Variants in PATL1 observed in about 807,000 individuals in gnomAD.
The protein encoded by PATL1 is protein PAT1 homolog 1.
A neutral mutation model predicts 100.6 loss-of-function variants in PATL1; 32 were observed. That is an observed-to-expected ratio of 0.32 (90% CI 0.24 to 0.43). PATL1 has a LOEUF of 0.43. Among genes scored for constraint, PATL1 ranks in the 20% least tolerant of loss-of-function variants. The probability of loss-of-function intolerance (pLI) is 1.00; values close to 1 mark genes in which losing one functional copy is unlikely to be tolerated. For missense variants in PATL1, 747 were observed against 949.9 expected, an observed-to-expected ratio of 0.79 and a Z score of 2.81; for synonymous variants, 332 against 330.0, an observed-to-expected ratio of 1.01 and a Z score of -0.07.
rs575902146 is a variant in PATL1 at position 59,640,005 on chromosome 11, C to T, written c.2050-622G>A. The T allele has an allele frequency of 2.0e-5, 3 of 152,202 alleles. No homozygotes were observed. The East Asian group carries it at 5.8e-4, about 29-fold the overall frequency. 9.4% of individuals were successfully genotyped at this position (152,202 alleles called of 1,614,324 possible). ...AGAAAGGGTAAACAGATGTATACAC[C>T]GTATCTATAATTAAAATTCAGCAAC... On this transcript the variant is annotated intron_variant, in intron 16 of 18. Coordinates refer to ENST00000300146, the MANE Select transcript of PATL1 (RefSeq NM_152716.3).
At chr11:59,640,809 T>C (rs1464609422) in intron 16 of PATL1, among the ~76,000 whole-genome samples, 7 of 151,880 alleles carry the variant, frequency 4.6e-5, no homozygotes, top group African/African-American at 1.7e-4. Flanking sequence ...GAGGCAGTAC[T>C]GCTTGAGTCC....
chr11:59,668,298 C>T (rs993326247), intron 1 of PATL1, among the ~76,000 whole-genome samples: 2 of 152,184 alleles, frequency 1.3e-5, no homozygotes, highest in African/African-American at 2.4e-5. Context: ...TCTCCAAACC[C>T]GCGTCTCCCA....
chr11:59,652,026 A>G (rs1008422402), intron 11 of PATL1, among the ~76,000 whole-genome samples: 4 of 139,224 alleles, frequency 2.9e-5, no homozygotes, highest in African/African-American at 1.1e-4. Context: ...GATGGCACCA[A>G]TGCACTCCAG....
At chr11:59,666,730 A>T in intron 2 of PATL1, 123 bp downstream of exon 2, 2 of 1,031,826 alleles carry the variant, frequency 1.9e-6, no homozygotes, top group Non-Finnish European at 2.7e-6. Flanking sequence ...GATGAGGAAT[A>T]GAAGAATATC....
intron 16 of PATL1, 156 bp downstream of exon 16, chr11:59,642,724 A>G: frequency 1.3e-6 from 1 of 761,516 alleles, no homozygotes; most frequent in Non-Finnish European, 2.0e-6. Flanking sequence ...TGTTGAAAAC[A>G]CTGTTATTTC....
intron 2 of PATL1, among the ~76,000 whole-genome samples, chr11:59,663,135 T>A (rs1861648885): frequency 6.6e-6 from 1 of 152,102 alleles, no homozygotes; most frequent in African/African-American, 2.4e-5. Flanking sequence ...TTGACCTGAG[T>A]CCATTATTGG....
At chr11:59,657,196 A>T (rs1861548078) in intron 5 of PATL1, 1 of 923,290 alleles carries the variant, frequency 1.1e-6, no homozygotes, top group Admixed American at 6.2e-5. Context: ...AGGGATGTGG[A>T]CAATGCTGTG....
intron 14 of PATL1, 78 bp downstream of exon 14, chr11:59,649,384 A>C: frequency 6.6e-7 from 1 of 1,512,292 alleles, no homozygotes; most frequent in Non-Finnish European, 8.9e-7. Context: ...TGTACCTAAA[A>C]GGCAAAAATG....
Position 59,639,331 on chromosome 11 carries a change from C to G in PATL1, c.2102G>C (p.Ser701Thr). The G allele has an allele frequency of 6.4e-7, 1 of 1,551,092 alleles. No homozygotes were observed. The highest frequency in any genetic ancestry group is 2.4e-5 in the East Asian group (1 of 40,938). ...ILLSRGEDLQSSDPATESTQN... is the reference protein window; with the variant it reads ...ILLSRGEDLQTSDPATESTQN... ...TGTTGATTCTGTAGCAGGGTCTGAA[C>G]TCTGTAGGTCTTCACCACGGCTCAG... The change falls in exon 17 of 19, where the codon AGT becomes ACT. Residue 701 changes from serine to threonine, a missense_variant. This residue lies in a region of PATL1 where 434 missense variants were observed against 596.1 expected (regional missense o/e 0.73). Coordinates refer to ENST00000300146, the MANE Select transcript of PATL1 (RefSeq NM_152716.3).
chr11:59,645,037 T>C (rs532857799), intron 15 of PATL1, among the ~76,000 whole-genome samples: 1 of 149,434 alleles, frequency 6.7e-6, no homozygotes, highest in African/African-American at 2.5e-5. Context: ...TTTTTTTTTT[T>C]TTTAATCCAT....
Position 59,656,058 on chromosome 11 carries a change from A to C in PATL1, c.724-13T>G. On this transcript the variant is annotated splice_polypyrimidine_tract_variant and intron_variant, in intron 6 of 18. Coordinates refer to ENST00000300146, the MANE Select transcript of PATL1 (RefSeq NM_152716.3). ...GGAGGGAAGAGTTCTAAGGTAAAAA[A>C]AAAAAAAAAAAAAAGAATATGCTAT... 7.7e-7 allele frequency: 1 copy of C among 1,295,638 alleles called. No individual in the cohort carries two copies. 80.3% of individuals were successfully genotyped at this position (1,295,638 alleles called of 1,614,324 possible).
chr11:59,659,279 C>T lies in PATL1; in HGVS notation c.318G>A (p.Arg106=), dbSNP rs575716271. The change falls in exon 3 of 19, where the codon AGG becomes AGA. Residue 106 remains arginine, a synonymous_variant. Coordinates refer to ENST00000300146, the MANE Select transcript of PATL1 (RefSeq NM_152716.3). ...ENELEDPAIM[R]AVQTRPVLQP... is the part of the protein sequence containing the mutation. ...GTAAAACTGGCCTGGTCTGCACTGC[C>T]CTCATAATAGCTGGATCTTCTAGTT... 1.9e-6 allele frequency: 3 copies of T among 1,551,378 alleles called. No individual in the cohort carries two copies. Among genetic ancestry groups the T allele is most frequent in the African/African-American group, 2.7e-5 (2 of 73,126 alleles).
intron 14 of PATL1, among the ~76,000 whole-genome samples, chr11:59,649,148 A>G (rs1314953697): frequency 6.6e-6 from 1 of 152,236 alleles, no homozygotes; most frequent in Non-Finnish European, 1.5e-5. Context: ...AGTAATCATA[A>G]ATCAGGTGCA....
chr11:59,659,555 A>AG, intron 2 of PATL1, 86 bp from the exon 3 acceptor site: 3 of 1,243,096 alleles, frequency 2.4e-6, no homozygotes, highest in Non-Finnish European at 3.3e-6. Context: ...TTTTTTAGAC[A>AG]GAGTCTCACT....
chr11:59,646,450 T>C (rs1358841677), intron 15 of PATL1, among the ~76,000 whole-genome samples: 1 of 152,188 alleles, frequency 6.6e-6, no homozygotes, highest in Non-Finnish European at 1.5e-5. Flanking sequence ...CCTCCCAAAG[T>C]GTTGGGATTA....
Position 59,638,416 on chromosome 11 carries a change from G to C in PATL1, c.2292-5C>G, listed in dbSNP as rs1182661425. ...TATCGTATCCCCTGAACTAGCCTAG[G>C]AGTACAAAGGAGAGAAAGGAAAATT... On this transcript the variant is annotated splice_polypyrimidine_tract_variant and splice_region_variant and intron_variant, in intron 18 of 18. Transcript: ENST00000300146. 2 of 1,610,616 alleles carry C rather than the reference G, an allele frequency of 1.2e-6. No homozygotes were observed. Among genetic ancestry groups the C allele is most frequent in the South Asian group, 1.1e-5 (1 of 90,596 alleles).
chr11:59,666,863 T>C lies in PATL1; in HGVS notation c.117A>G (p.Ser39=), dbSNP rs892066206. ...IDQFNDDTFG[S]GAVDDDWQEA... Reference sequence around the variant, plus strand: ...AAAGATGTCACTTACCAACTGCACCTGACCCAAATGTATCATCATTGAATT... The same window carrying C: ...AAAGATGTCACTTACCAACTGCACCCGACCCAAATGTATCATCATTGAATT... Residue 39 remains serine (S), a synonymous_variant, in exon 2 of 19, where the codon TCA becomes TCG. Coordinates refer to ENST00000300146, the MANE Select transcript of PATL1 (RefSeq NM_152716.3). The C allele has an allele frequency of 3.2e-6, 5 of 1,549,480 alleles. No individual in the cohort carries two copies. The African/African-American group carries it at 6.9e-5, about 21-fold the overall frequency.
chr11:59,661,580 C>T (rs1306138767), intron 2 of PATL1, among the ~76,000 whole-genome samples: 1 of 151,974 alleles, frequency 6.6e-6, no homozygotes, highest in Non-Finnish European at 1.5e-5. Context: ...TTATAAAATT[C>T]AACAGACAGG....
chr11:59,639,438 C>A, intron 16 of PATL1, 55 bp from the exon 17 acceptor site: 2 of 1,352,618 alleles, frequency 1.5e-6, no homozygotes, highest in Non-Finnish European at 2.1e-6. Context: ...ACCTCCTCCA[C>A]CACTGTTGAA....
Sources: gnomAD v4.1 joint callset for allele counts (sites outside exome capture counted in the v4.1 genomes callset) on GRCh38, gnomAD v4.1.1 for gene constraint, gnomAD v4.1.1 regional missense constraint, MANE v1.5 for transcripts, NCBI Gene and HGNC (gene_info 2026-07-23, HGNC 2026-07-21) for gene names.